Variants in PTPRD observed in about 807,000 individuals in gnomAD.
PTPRD encodes the protein protein tyrosine phosphatase receptor type D, also known as receptor-type tyrosine-protein phosphatase delta.
PTPRD carries 34 observed loss-of-function variants against 214.5 expected under a neutral mutation model. The ratio of observed to expected loss-of-function variants is 0.16; its 90% CI spans 0.12 to 0.21. The LOEUF is 0.21. Ranked by LOEUF, PTPRD falls within the 10% of genes least tolerant of loss-of-function variation. The probability of loss-of-function intolerance (pLI) is 1.00; values close to 1 mark genes in which losing one functional copy is unlikely to be tolerated. For missense variants in PTPRD, 2,545 were observed against 2,398.7 expected (o/e 1.06, Z -1.27); for synonymous variants, 1,128 against 845.7 (o/e 1.33, Z -5.79).
intron 7 of PTPRD, among the ~76,000 whole-genome samples, chr9:9,690,864 G>A (rs1387297244): frequency 3.8e-5 from 5 of 131,762 alleles, no homozygotes; most frequent in Non-Finnish European, 8.2e-5. Flanking sequence ...TGGTTACTAT[G>A]GCTTTGTAGT....
At chr9:8,424,585 T>C (rs2094543593) in intron 35 of PTPRD, among the ~76,000 whole-genome samples, 2 of 152,112 alleles carry the variant, frequency 1.3e-5, no homozygotes. Context: ...TCTGAAACTC[T>C]ATGGAAAGAC....
intron 5 of PTPRD, among the ~76,000 whole-genome samples, chr9:9,813,325 A>C (rs2047736442): frequency 6.6e-6 from 1 of 152,046 alleles, no homozygotes; most frequent in African/African-American, 2.4e-5. Flanking sequence ...GATACTAGAA[A>C]GACAATTAAA....
Position 9,311,308 on chromosome 9 carries a change from G to T in PTPRD, c.-203+86141C>A, listed in dbSNP as rs774720362. On this transcript the variant is annotated intron_variant, in intron 9 of 45. Coordinates refer to ENST00000381196, the MANE Select transcript of PTPRD (RefSeq NM_002839.4). Reference sequence around the variant, plus strand: ...GTCAAACACAAAATCATTATATTATGTTGTCATATAATAAAAGATGTATTG... The same window carrying T: ...GTCAAACACAAAATCATTATATTATTTTGTCATATAATAAAAGATGTATTG... Among the ~76,000 whole-genome samples the T allele has an allele frequency of 2.7e-3, 413 of 152,188 alleles. 1 individual carries two copies. The highest frequency in any genetic ancestry group is 2.3e-3 in the Non-Finnish European group (158 of 68,006).
intron 39 of PTPRD, among the ~76,000 whole-genome samples, chr9:8,353,544 T>G (rs753710298): frequency 4.1e-4 from 63 of 152,098 alleles, no homozygotes; most frequent in Non-Finnish European, 7.9e-4. Context: ...GTGATTCTCC[T>G]GCCTCAGCCT....
intron 11 of PTPRD, among the ~76,000 whole-genome samples, chr9:8,766,062 A>G (rs1321058460): frequency 6.6e-6 from 1 of 151,978 alleles, no homozygotes; most frequent in Non-Finnish European, 1.5e-5. Context: ...CTCTTGGTGG[A>G]TAGTCATTGG....
At chr9:9,039,001 G>T (rs1368506217) in intron 10 of PTPRD, among the ~76,000 whole-genome samples, 2 of 152,026 alleles carry the variant, frequency 1.3e-5, no homozygotes, top group Non-Finnish European at 2.9e-5. Context: ...GTGGTGGTGA[G>T]CACCCCTATC....
At chr9:9,061,709 G>T (rs567716429) in intron 10 of PTPRD, among the ~76,000 whole-genome samples, 154 of 152,234 alleles carry the variant, frequency 1.0e-3, no homozygotes, top group African/African-American at 3.4e-3. Flanking sequence ...CCTCTGATCT[G>T]TTCACTGTAG....
intron 11 of PTPRD, among the ~76,000 whole-genome samples, chr9:8,947,863 T>C (rs1386908636): frequency 1.3e-5 from 2 of 152,144 alleles, no homozygotes; most frequent in Admixed American, 1.3e-4. Flanking sequence ...CCAGACACTA[T>C]TTTAAGTATT....
intron 3 of PTPRD, among the ~76,000 whole-genome samples, chr9:10,140,990 G>C (rs1288751667): frequency 6.6e-6 from 1 of 151,952 alleles, no homozygotes; most frequent in Non-Finnish European, 1.5e-5. Context: ...CAGAACCAAA[G>C]ACAAAAACCA....
At chr9:9,440,609 T>C (rs945668536) in intron 8 of PTPRD, among the ~76,000 whole-genome samples, 3 of 152,224 alleles carry the variant, frequency 2.0e-5, no homozygotes, top group African/African-American at 7.2e-5. Flanking sequence ...TGATACTGGA[T>C]TCAGCAGTAT....
chr9:8,475,019 T>G (rs189944676), intron 30 of PTPRD, among the ~76,000 whole-genome samples: 59 of 152,194 alleles, frequency 3.9e-4, no homozygotes, highest in African/African-American at 1.4e-3. Flanking sequence ...ATGTGTCATA[T>G]AGAGAACAAA....
intron 3 of PTPRD, among the ~76,000 whole-genome samples, chr9:10,113,491 G>A (rs756370523): frequency 6.6e-6 from 1 of 152,106 alleles, no homozygotes; most frequent in Non-Finnish European, 1.5e-5. Context: ...AAATATACCA[G>A]AGACTTTGTA....
Position 9,450,095 on chromosome 9 carries a change from G to GGTGT in PTPRD, c.-236-52617_-236-52614dup, listed in dbSNP as rs535344466. 1.3e-4 allele frequency among the ~76,000 whole-genome samples: 19 copies of GGTGT among 146,012 alleles called. 1 individual carries two copies. The highest frequency in any genetic ancestry group is 8.7e-4 in the South Asian group (4 of 4,572). ...GTTTTATGGCTGAGTAGTATTCCAT[G>GGTGT]GTGTGTGTGTGTGTGTGTGTGTGTC... is the stretch of plus-strand genomic sequence containing the variant. On this transcript the variant is annotated intron_variant, in intron 8 of 45. Transcript: ENST00000381196.
chr9:10,012,518 T>C (rs188387239), intron 4 of PTPRD, among the ~76,000 whole-genome samples: 27 of 152,116 alleles, frequency 1.8e-4, no homozygotes, highest in African/African-American at 6.5e-4. Flanking sequence ...TAAGAAGGCA[T>C]TTATTTTTAA....
chr9:8,955,498 C>G (rs2099126406), intron 11 of PTPRD, among the ~76,000 whole-genome samples: 1 of 151,830 alleles, frequency 6.6e-6, no homozygotes, highest in Admixed American at 6.6e-5. Context: ...ATGCTCTGCT[C>G]TCAGGGAAAT....
intron 9 of PTPRD, among the ~76,000 whole-genome samples, chr9:9,224,577 A>G (rs2099958210): frequency 6.6e-6 from 1 of 152,118 alleles, no homozygotes; most frequent in East Asian, 1.9e-4. Context: ...AATTTAAACT[A>G]AAGTCATTAT....
In PTPRD at chr9:10,031,647, T is replaced by TATATATATATACAC; in HGVS notation, c.-472+2070_-472+2071insGTGTATATATATAT. 3.5e-3 allele frequency among the ~76,000 whole-genome samples: 318 copies of TATATATATATACAC among 89,638 alleles called. 21 individuals carry two copies. The highest frequency in any genetic ancestry group is 0.024 in the African/African-American group (297 of 12,366). The allele number at this position is 89,638 out of a possible 152,430, so 58.8% of individuals were successfully genotyped here. On this transcript the variant is annotated intron_variant, in intron 4 of 45. Transcript: ENST00000381196. ...CTCCATATATATATATATATATATA[T>TATATATATATACAC]ACACACACACACACACACATACACA...
At chr9:10,141,731 C>T (rs966119571) in intron 3 of PTPRD, among the ~76,000 whole-genome samples, 1 of 152,014 alleles carries the variant, frequency 6.6e-6, no homozygotes, top group African/African-American at 2.4e-5. Flanking sequence ...TGACTTTCTT[C>T]ACAGAATTGG....
intron 10 of PTPRD, among the ~76,000 whole-genome samples, chr9:9,142,711 G>A (rs2099862431): frequency 6.6e-6 from 1 of 152,162 alleles, no homozygotes; most frequent in Non-Finnish European, 1.5e-5. Flanking sequence ...AAAGAATTCA[G>A]AATTTCTGAC....
Sources: allele counts gnomAD v4.1 joint callset (sites outside exome capture counted in the v4.1 genomes callset), GRCh38; gene constraint gnomAD v4.1.1; transcripts MANE v1.5; gene names NCBI Gene and HGNC (gene_info 2026-07-23, HGNC 2026-07-21).